The following NHEJ1 variants were observed in gnomAD, a reference collection of about 807,000 sequenced individuals.
NHEJ1 encodes non-homologous end-joining factor 1.
A neutral mutation model predicts 39.4 loss-of-function variants in NHEJ1; 22 were observed. The ratio of observed to expected loss-of-function variants is 0.56; its 90% CI spans 0.40 to 0.80. The LOEUF (loss-of-function observed/expected upper bound fraction) is 0.80. NHEJ1 is among the 30% of genes least tolerant of loss of function. The pLI, the probability that NHEJ1 is intolerant of heterozygous loss-of-function variation, is 0.00. For missense variants in NHEJ1, 329 were observed against 357.1 expected, an observed-to-expected ratio of 0.92 and a Z score of 0.63; for synonymous variants, 154 against 135.6, an observed-to-expected ratio of 1.14 and a Z score of -0.94.
intron 5 of NHEJ1, among the ~76,000 whole-genome samples, chr2:219,139,035 T>C (rs1320932563): frequency 6.6e-6 from 1 of 152,210 alleles, no homozygotes; most frequent in Non-Finnish European, 1.5e-5. Flanking sequence ...TGAAATTAGG[T>C]TATAAAAGGA....
intron 3 of NHEJ1, among the ~76,000 whole-genome samples, chr2:219,150,093 T>G (rs1160900413): frequency 1.3e-5 from 2 of 152,252 alleles, no homozygotes; most frequent in African/African-American, 2.4e-5. Flanking sequence ...GTCTGGACTC[T>G]TTCAGACCTT....
rs143507934 is a variant in NHEJ1, at chr2:219,098,919, G to A, written c.589-20713C>T. Among the ~76,000 whole-genome samples the A allele has an allele frequency of 1.8e-4, 27 of 152,282 alleles. No individual in the cohort carries two copies. In the East Asian group the frequency reaches 5.2e-3, roughly 29 times the overall value. ...TGAGTTTAACTATACACAAGAAATG[G>A]GCAATAAAATCAGAAGTGTGTGCAA... On this transcript the variant is annotated intron_variant, in intron 5 of 7. Transcript: ENST00000356853.
chr2:219,122,405 C>A (rs1026938620), intron 5 of NHEJ1, among the ~76,000 whole-genome samples: 3 of 152,254 alleles, frequency 2.0e-5, no homozygotes, highest in African/African-American at 7.2e-5. Context: ...CCATATGCTT[C>A]TTGGGGGCAG....
rs58279021 is a variant in NHEJ1, at chr2:219,137,570, C to CA, written c.588+9109dup. ...AATGGAGAAATAAATGTGTTACAGG[C>CA]AAAAAAAAAAAAAAAAAAAAAACAA... On this transcript the variant is annotated intron_variant, in intron 5 of 7. Transcript: ENST00000356853. Among the ~76,000 whole-genome samples the CA allele has an allele frequency of 3.3e-3, 113 of 34,720 alleles. 2 individuals are homozygous for CA. Among genetic ancestry groups the CA allele is most frequent in the East Asian group, 0.031 (37 of 1,180 alleles). 22.8% of individuals were successfully genotyped at this position (34,720 alleles called of 152,430 possible).
rs1949014457 is a variant in NHEJ1 at position 219,076,431 on chromosome 2, G to A, written c.850C>T (p.Pro284Ser). The change falls in exon 8 of 8, where the codon CCT becomes TCT. Residue 284 changes from proline (P) to serine (S), a missense_variant. Coordinates refer to ENST00000356853, the MANE Select transcript of NHEJ1 (RefSeq NM_024782.3). ...STGTSGPLQR[P>S]QLSKVKRKKP... ...TTCCTCTTGACCTTTGACAGCTGAG[G>A]TCTCTGCAGAGGGCCTGAAGTACCC... is the stretch of plus-strand genomic sequence containing the variant. 1 of 1,614,080 alleles carries A rather than the reference G, an allele frequency of 6.2e-7. No homozygotes were observed. The highest frequency in any genetic ancestry group is 8.5e-7 in the Non-Finnish European group (1 of 1,180,018).
intron 3 of NHEJ1, 117 bp from the exon 4 acceptor site, chr2:219,147,912 C>CTGT: frequency 1.0e-6 from 1 of 995,284 alleles, no homozygotes; most frequent in Non-Finnish European, 1.5e-6. Context: ...CTTATAGTTT[C>CTGT]ATAGGCAAGT....
At chr2:219,122,912 T>C (rs929676583) in intron 5 of NHEJ1, among the ~76,000 whole-genome samples, 16 of 151,662 alleles carry the variant, frequency 1.1e-4, no homozygotes, top group Non-Finnish European at 1.5e-5. Flanking sequence ...CCATGGGGAG[T>C]AAAGAGTGGA....
intron 4 of NHEJ1, among the ~76,000 whole-genome samples, chr2:219,147,414 G>A (rs753203544): frequency 6.2e-4 from 94 of 152,184 alleles, no homozygotes; most frequent in Non-Finnish European, 1.1e-3. Context: ...CCCACGAGGC[G>A]GAAGTTGCAG....
chr2:219,078,324 C>T (rs1559185281), intron 5 of NHEJ1, 118 bp from the exon 6 acceptor site: 1 of 876,550 alleles, frequency 1.1e-6, no homozygotes, highest in South Asian at 1.4e-5. Flanking sequence ...CAGTTAGATC[C>T]AATAGGGGGC....
chr2:219,103,499 C>T (rs1949286318), intron 5 of NHEJ1, among the ~76,000 whole-genome samples: 1 of 152,150 alleles, frequency 6.6e-6, no homozygotes, highest in Non-Finnish European at 1.5e-5. Context: ...TGGTCTCCAT[C>T]TCCTGACCTC....
chr2:219,090,880 T>C (rs1949154401), intron 5 of NHEJ1, among the ~76,000 whole-genome samples: 1 of 152,268 alleles, frequency 6.6e-6, no homozygotes, highest in South Asian at 2.1e-4. Context: ...ATGTCACTTC[T>C]TCTGGCCTCC....
chr2:219,123,341 T>C (rs1949488422), intron 5 of NHEJ1, among the ~76,000 whole-genome samples: 1 of 152,192 alleles, frequency 6.6e-6, no homozygotes, highest in African/African-American at 2.4e-5. Flanking sequence ...AAACAATGAC[T>C]GAGACTTAAG....
chr2:219,102,217 G>A (rs1949268398), intron 5 of NHEJ1, among the ~76,000 whole-genome samples: 1 of 152,096 alleles, frequency 6.6e-6, no homozygotes, highest in African/African-American at 2.4e-5. Flanking sequence ...ATTTGACACT[G>A]CCAAAAAAAC....
At position 219,158,621 on chromosome 2, in the gene NHEJ1, C is replaced by T. The variant is rs990930723; in HGVS notation, c.1-259G>A. ...CCTAGAGGACAGAAAATCTTTCTTC[C>T]ATAGTGTTTAAACCTCAGCATATTG... On this transcript the variant is annotated intron_variant, in intron 1 of 7. Transcript: ENST00000356853. Among the ~76,000 whole-genome samples the T allele has an allele frequency of 6.6e-5, 10 of 152,104 alleles. No individual in the cohort carries two copies. The South Asian group carries it at 8.3e-4, about 13-fold the overall frequency.
chr2:219,115,892 C>T (rs1311632097), intron 5 of NHEJ1, among the ~76,000 whole-genome samples: 2 of 152,078 alleles, frequency 1.3e-5, no homozygotes, highest in African/African-American at 2.4e-5. Context: ...GAGGCCGAGG[C>T]GGGCAGATCA....
chr2:219,078,200 G>T lies in NHEJ1; in HGVS notation c.595C>A (p.Pro199Thr). Residue 199 changes from proline to threonine, a missense_variant, in exon 6 of 8, where the codon CCA (proline) becomes ACA (threonine). Transcript: ENST00000356853. ...FLEQFMIEKL[P>T]EACSIGDGKP... ...CCATCACCAATGCTGCATGCCTCTG[G>T]CAGTTTCTGTAAGAGAGAGGAGATA... 6.2e-7 allele frequency: 1 copy of T among 1,613,448 alleles called. No individual in the cohort carries two copies. The highest frequency in any genetic ancestry group is 8.5e-7 in the Non-Finnish European group (1 of 1,179,436).
intron 5 of NHEJ1, among the ~76,000 whole-genome samples, chr2:219,134,670 C>T (rs73991303): frequency 0.019 from 2,930 of 152,262 alleles, 100 homozygotes; most frequent in African/African-American, 0.067. Context: ...AGACCCTTTT[C>T]TTCGACCTGA....
In NHEJ1 at chr2:219,072,078, G is replaced by A. The variant is rs1427488697; in HGVS notation, c.*4303C>T. ...ATGGACTTCTAGATGTTCAAATAGA[G>A]AAGGATTCCCTATGGTCCCTCTTCC... On this transcript the variant is annotated 3_prime_UTR_variant, in exon 8 of 8. Coordinates refer to ENST00000356853, the MANE Select transcript of NHEJ1 (RefSeq NM_024782.3). Among the ~76,000 whole-genome samples, 1 of 150,926 alleles carries A rather than the reference G, an allele frequency of 6.6e-6. No individual in the cohort carries two copies. The highest frequency in any genetic ancestry group is 2.4e-5 in the African/African-American group (1 of 41,362).
Position 219,118,914 on chromosome 2 carries a change from C to T in NHEJ1, c.588+27766G>A, listed in dbSNP as rs1308180124. On this transcript the variant is annotated intron_variant, in intron 5 of 7. Transcript: ENST00000356853. ...GTGGGAGCTGGGGCCCGCTCCAGCACACAGACAGATGCTAAAGGGCAGACT... is the reference window on the plus strand; with the variant it reads ...GTGGGAGCTGGGGCCCGCTCCAGCATACAGACAGATGCTAAAGGGCAGACT... Among the ~76,000 whole-genome samples the T allele has an allele frequency of 3.9e-5, 6 of 152,162 alleles. No homozygotes were observed. In the South Asian group the frequency reaches 1.2e-3, roughly 32 times the overall value.
Sources: gnomAD v4.1 joint callset for allele counts (sites outside exome capture counted in the v4.1 genomes callset) on GRCh38, gnomAD v4.1.1 for gene constraint, MANE v1.5 for transcripts, NCBI Gene and HGNC (gene_info 2026-07-23, HGNC 2026-07-21) for gene names.